The following ZNF679 variants were observed in gnomAD, a reference collection of about 807,000 sequenced individuals.
ZNF679 encodes the protein zinc finger protein 679.
In ZNF679, 10 loss-of-function variants were observed where a neutral mutation model predicts 13.4. The ratio of observed to expected loss-of-function variants is 0.75; its 90% CI spans 0.46 to 1.27. The LOEUF (loss-of-function observed/expected upper bound fraction) is 1.27. Ranked by LOEUF, ZNF679 falls within the 50% of genes most tolerant of loss-of-function variation. ZNF679 has a pLI of 0.00. For synonymous variants in ZNF679, 179 were observed against 162.5 expected, an observed-to-expected ratio of 1.10 and a Z score of -0.77; for missense variants, 525 against 477.8, an observed-to-expected ratio of 1.10 and a Z score of -0.92.
intron 1 of ZNF679, among the ~76,000 whole-genome samples, chr7:64,230,315 T>G (rs886652969): frequency 6.6e-6 from 1 of 151,158 alleles, no homozygotes; most frequent in African/African-American, 2.4e-5. Context: ...GGGTGGATCA[T>G]GAGGTCAGGA....
intron 1 of ZNF679, among the ~76,000 whole-genome samples, chr7:64,231,021 C>T (rs1395355920): frequency 1.3e-5 from 2 of 152,286 alleles, no homozygotes; most frequent in African/African-American, 4.8e-5. Context: ...GGCAAAGTGA[C>T]AATCCTGACT....
rs536136314 is a variant in ZNF679, at chr7:64,231,266, G to A, written c.-91+2614G>A. 4.6e-5 allele frequency among the ~76,000 whole-genome samples: 7 copies of A among 152,322 alleles called. No homozygotes were observed. In the East Asian group the frequency reaches 1.4e-3, roughly 29 times the overall value. On this transcript the variant is annotated intron_variant, in intron 1 of 4. Transcript: ENST00000421025. ...AGTCATCATTATGCCTGTGAGTTGG[G>A]CTTAAGTGTATGTCACAATCTCACA...
chr7:64,230,081 A>G (rs1005529214), intron 1 of ZNF679, among the ~76,000 whole-genome samples: 6 of 152,334 alleles, frequency 3.9e-5, no homozygotes, highest in African/African-American at 1.4e-4. Context: ...TACAATTCTT[A>G]CTGGAAGCAG....
At position 64,236,983 on chromosome 7, in the gene ZNF679, G is replaced by GAA. The variant is rs1562840403; in HGVS notation, c.-91+8333_-91+8334dup. Among the ~76,000 whole-genome samples the GAA allele has an allele frequency of 6.0e-3, 394 of 65,158 alleles. 1 individual carries two copies. The highest frequency in any genetic ancestry group is 9.0e-3 in the Non-Finnish European group (294 of 32,502). The allele number at this position is 65,158 out of a possible 152,430, so 42.7% of individuals were successfully genotyped here. ...AAAGAAAGAAAGAAAGAAAAAGAAA[G>GAA]AAAGAAAGAAAGAAAGAAAAAGAAA... On this transcript the variant is annotated intron_variant, in intron 1 of 4. Transcript: ENST00000421025.
intron 1 of ZNF679, among the ~76,000 whole-genome samples, chr7:64,237,045 C>T (rs1335881801): frequency 6.6e-6 from 1 of 151,366 alleles, no homozygotes; most frequent in East Asian, 1.9e-4. Flanking sequence ...GGGAACAGTA[C>T]ACAGTTGGTG....
intron 1 of ZNF679, among the ~76,000 whole-genome samples, chr7:64,230,581 G>A (rs1273383348): frequency 6.6e-6 from 1 of 151,886 alleles, no homozygotes; most frequent in South Asian, 2.1e-4. Flanking sequence ...CCAAGAACAG[G>A]AGAGTAATAT....
At chr7:64,236,133 C>T (rs1166072703) in intron 1 of ZNF679, among the ~76,000 whole-genome samples, 1 of 151,788 alleles carries the variant, frequency 6.6e-6, no homozygotes, top group Non-Finnish European at 1.5e-5. Flanking sequence ...GGTGTGGTGG[C>T]TCACACCTGT....
At position 64,266,722 on chromosome 7, in the gene ZNF679, C is replaced by T. The variant is rs1295923657; in HGVS notation, c.1089C>T (p.Phe363=). 6.2e-7 allele frequency: 1 copy of T among 1,611,962 alleles called. No homozygotes were observed. The highest frequency in any genetic ancestry group is 8.5e-7 in the Non-Finnish European group (1 of 1,179,002). The change falls in exon 5 of 5, where the codon TTC becomes TTT. Residue 363 remains phenylalanine, a synonymous_variant. Transcript: ENST00000421025. ...AAGAATGTGGGAAAGCCTTTGCCTT[C>T]TCCTCAACTCTTAATACTCATAAGA... ...KCKECGKAFA[F]SSTLNTHKRI...
At chr7:64,247,381 T>C (rs1216344342) in intron 1 of ZNF679, among the ~76,000 whole-genome samples, 1 of 152,234 alleles carries the variant, frequency 6.6e-6, no homozygotes, top group Non-Finnish European at 1.5e-5. Context: ...AGTGCTGGAA[T>C]GTGGCTGGTC....
At chr7:64,261,820 T>A (rs867547497) in intron 4 of ZNF679, among the ~76,000 whole-genome samples, 2 of 152,018 alleles carry the variant, frequency 1.3e-5, no homozygotes, top group South Asian at 2.1e-4. Context: ...TATCTTTTTT[T>A]ATTAAAATTT....
At chr7:64,254,136 T>C (rs1381689703) in intron 2 of ZNF679, among the ~76,000 whole-genome samples, 1 of 133,340 alleles carries the variant, frequency 7.5e-6, no homozygotes, top group African/African-American at 2.5e-5. Flanking sequence ...ATTACTTTTT[T>C]TTTTTTGAGA....
Position 64,249,083 on chromosome 7 carries a change from C to CT in ZNF679, c.-34dup, listed in dbSNP as rs1314485856. 3 of 1,613,858 alleles carry CT rather than the reference C, an allele frequency of 1.9e-6. No homozygotes were observed. Among genetic ancestry groups the CT allele is most frequent in the Non-Finnish European group, 2.5e-6 (3 of 1,179,944 alleles). On this transcript the variant is annotated 5_prime_UTR_variant, in exon 2 of 5. Coordinates refer to ENST00000421025, the MANE Select transcript of ZNF679 (RefSeq NM_153363.3). Reference sequence around the variant, plus strand: ...TCCTCTGTTCCTAGAGGCCAAGCCACTGTGGCCTTGTGTTCTGCAGGTATC... The same window carrying CT: ...TCCTCTGTTCCTAGAGGCCAAGCCACTTGTGGCCTTGTGTTCTGCAGGTATC...
intron 1 of ZNF679, among the ~76,000 whole-genome samples, chr7:64,238,913 G>A (rs181699839): frequency 6.6e-6 from 1 of 152,258 alleles, no homozygotes; most frequent in African/African-American, 2.4e-5. Context: ...CCCAGTCAAA[G>A]AGAGAGATTT....
intron 1 of ZNF679, among the ~76,000 whole-genome samples, chr7:64,245,581 A>G (rs1217280944): frequency 6.6e-6 from 1 of 152,142 alleles, no homozygotes. Flanking sequence ...GTTGTGAAAG[A>G]ATCTTTTTTG....
chr7:64,250,358 C>T (rs543100646), intron 2 of ZNF679, among the ~76,000 whole-genome samples: 2 of 150,218 alleles, frequency 1.3e-5, no homozygotes, highest in South Asian at 4.2e-4. Flanking sequence ...CAACCTCCAC[C>T]TCCTGGGTTG....
At chr7:64,246,876 A>G (rs1447674287) in intron 1 of ZNF679, among the ~76,000 whole-genome samples, 3 of 152,244 alleles carry the variant, frequency 2.0e-5, no homozygotes, top group Non-Finnish European at 4.4e-5. Flanking sequence ...TACTCCTTAG[A>G]CACAGCAGCA....
chr7:64,244,436 C>A (rs369824825), intron 1 of ZNF679, among the ~76,000 whole-genome samples: 1 of 151,742 alleles, frequency 6.6e-6, no homozygotes, highest in Non-Finnish European at 1.5e-5. Context: ...TGTTTTGTGA[C>A]GGATTCTCTC....
Position 64,260,327 on chromosome 7 carries a change from A to G in ZNF679, c.146A>G (p.Tyr49Cys), listed in dbSNP as rs1235100910. The G allele has an allele frequency of 1.9e-6, 3 of 1,610,194 alleles. No individual in the cohort carries two copies. The highest frequency in any genetic ancestry group is 2.2e-5 in the East Asian group (1 of 44,826). ...NLYRDVMLEN[Y>C]RNLVSLGIAV... ...TATAGAGATGTGATGTTAGAGAACT[A>G]CAGAAACCTGGTCTCCCTGGGTGAG... Residue 49 changes from tyrosine to cysteine, a missense_variant, in exon 3 of 5, where the codon TAC (tyrosine) becomes TGC (cysteine). By Grantham distance (194) the Tyr-to-Cys change is radical (BLOSUM62 -2). Coordinates refer to ENST00000421025, the MANE Select transcript of ZNF679 (RefSeq NM_153363.3).
In ZNF679 at chr7:64,228,563, A is replaced by G. The variant is rs968839581; in HGVS notation, c.-180A>G. ...TAAATTAGGTGCTGTGTGAAAGTAT[A>G]CGCCACAATCACACCTGCGGGAAGG... is the stretch of plus-strand genomic sequence containing the variant. On this transcript the variant is annotated 5_prime_UTR_variant, in exon 1 of 5. It adds an upstream start codon to the 5' untranslated region. Transcript: ENST00000421025. 3 of 152,230 alleles carry G rather than the reference A, an allele frequency of 2.0e-5. No individual in the cohort carries two copies. The highest frequency in any genetic ancestry group is 4.4e-5 in the Non-Finnish European group (3 of 68,038). 9.4% of individuals were successfully genotyped at this position (152,230 alleles called of 1,614,324 possible).
Sources: allele counts gnomAD v4.1 joint callset (sites outside exome capture counted in the v4.1 genomes callset), GRCh38; gene constraint gnomAD v4.1.1; transcripts MANE v1.5; gene names NCBI Gene and HGNC (gene_info 2026-07-23, HGNC 2026-07-21).